VEGFC: variants seen among roughly 807,000 people sequenced by gnomAD.
The protein encoded by VEGFC is vascular endothelial growth factor C.
Under a neutral mutation model 46.1 loss-of-function variants are expected in VEGFC, and 12 were observed. The ratio of observed to expected loss-of-function variants is 0.26; its 90% confidence interval spans 0.17 to 0.42. The LOEUF (loss-of-function observed/expected upper bound fraction) is 0.42, where lower values mean the gene tolerates loss of function less well. Ranked by LOEUF, VEGFC falls within the 10% of genes least tolerant of loss-of-function variation. The probability of loss-of-function intolerance (pLI) is 1.00; values close to 1 mark genes in which losing one functional copy is unlikely to be tolerated. For synonymous variants in VEGFC, 232 were observed against 195.5 expected (o/e 1.19, Z -1.56); for missense variants, 488 against 529.4 (o/e 0.92, Z 0.77).
intron 1 of VEGFC, among the ~76,000 whole-genome samples, chr4:176,772,795 C>T (rs751880216): frequency 6.6e-5 from 10 of 152,130 alleles, no homozygotes; most frequent in South Asian, 2.1e-4. Flanking sequence ...ATGCCTTCCA[C>T]CATGAGAAGA....
intron 1 of VEGFC, among the ~76,000 whole-genome samples, chr4:176,783,075 T>A (rs187830726): frequency 6.6e-6 from 1 of 152,080 alleles, no homozygotes; most frequent in Non-Finnish European, 1.5e-5. Context: ...GACTGGCAAA[T>A]TGACAAAGAG....
intron 1 of VEGFC, among the ~76,000 whole-genome samples, chr4:176,780,242 A>G (rs1452399253): frequency 2.6e-5 from 4 of 151,980 alleles, no homozygotes; most frequent in African/African-American, 7.2e-5. Context: ...TTAGCCTGGC[A>G]TGGTGGTGCG....
Position 176,683,798 on chromosome 4 carries a change from T to A in VEGFC, c.*128A>T, listed in dbSNP as rs1733984983. The stretch of plus-strand genomic sequence containing the variant: ...CATTTCTGTAAAGTTATCCACATGG[T>A]TCAGGAAAGACAGACTTTTGTCTTT... On this transcript the variant is annotated 3_prime_UTR_variant, in exon 7 of 7. Transcript: ENST00000618562. The A allele has an allele frequency of 4.1e-6, 3 of 739,150 alleles. No individual in the cohort carries two copies. The South Asian group carries it at 5.4e-5, about 13-fold the overall frequency. 45.8% of individuals were successfully genotyped at this position (739,150 alleles called of 1,614,324 possible). A position where few individuals can be genotyped will look rare whatever the true frequency, so the allele number is the denominator to read the frequency against.
At chr4:176,722,419 C>T (rs1734802691) in intron 3 of VEGFC, among the ~76,000 whole-genome samples, 1 of 151,978 alleles carries the variant, frequency 6.6e-6, no homozygotes, top group African/African-American at 2.4e-5. Context: ...AATTATTTCA[C>T]CTATATGCAG....
chr4:176,687,708 T>A lies in VEGFC; in HGVS notation c.811+113A>T, dbSNP rs1489856967. Reference sequence around the variant, plus strand: ...GTGAAGTAGAAAATGTACTATTTTTTAGTCACTTATTTAGAAGAATGATGA... The same window carrying A: ...GTGAAGTAGAAAATGTACTATTTTTAAGTCACTTATTTAGAAGAATGATGA... On this transcript the variant is annotated intron_variant, in intron 5 of 6. Coordinates refer to ENST00000618562, the MANE Select transcript of VEGFC (RefSeq NM_005429.5). 3 of 1,014,948 alleles carry A rather than the reference T, an allele frequency of 3.0e-6. No individual in the cohort carries two copies. In the African/African-American group the frequency reaches 4.8e-5, roughly 16 times the overall value. The allele number at this position is 1,014,948 out of a possible 1,614,324, so 62.9% of individuals were successfully genotyped here. A position where few individuals can be genotyped will look rare whatever the true frequency, so the allele number is the denominator to read the frequency against.
intron 1 of VEGFC, among the ~76,000 whole-genome samples, chr4:176,785,956 A>T (rs1735995464): frequency 1.3e-5 from 2 of 149,756 alleles, no homozygotes; most frequent in African/African-American, 4.8e-5. Context: ...TCCAGATAGC[A>T]CAATGATGGG....
intron 1 of VEGFC, among the ~76,000 whole-genome samples, chr4:176,757,549 T>G (rs2110904563): frequency 6.6e-6 from 1 of 151,970 alleles, no homozygotes; most frequent in African/African-American, 2.4e-5. Flanking sequence ...AATCAAATTC[T>G]AAAATAATTC....
chr4:176,684,436 A>G (rs770255334), intron 6 of VEGFC, among the ~76,000 whole-genome samples: 4 of 152,132 alleles, frequency 2.6e-5, no homozygotes, highest in Non-Finnish European at 1.5e-5. Context: ...TGGGACCCAG[A>G]CTTCCAGGCA....
intron 4 of VEGFC, among the ~76,000 whole-genome samples, chr4:176,690,437 T>C (rs944219659): frequency 6.6e-6 from 1 of 152,128 alleles, no homozygotes; most frequent in Non-Finnish European, 1.5e-5. Flanking sequence ...CGTTACACAT[T>C]ATTGTAAACC....
At chr4:176,702,237 TA>T (rs1734447095) in intron 4 of VEGFC, among the ~76,000 whole-genome samples, 2 of 152,176 alleles carry the variant, frequency 1.3e-5, no homozygotes, top group Admixed American at 1.3e-4. Context: ...AAATAAGTTT[TA>T]CTGAGTAAAC....
intron 4 of VEGFC, 49 bp downstream of exon 4, chr4:176,711,450 T>C: frequency 6.5e-7 from 1 of 1,539,332 alleles, no homozygotes; most frequent in Non-Finnish European, 8.8e-7. Context: ...TTGAAAATAA[T>C]TTAATATTAG....
Position 176,683,793 on chromosome 4 carries a change from C to G in VEGFC, c.*133G>C. ...CAGTCCATTTCTGTAAAGTTATCCA[C>G]ATGGTTCAGGAAAGACAGACTTTTG... On this transcript the variant is annotated 3_prime_UTR_variant, in exon 7 of 7. Coordinates refer to ENST00000618562, the MANE Select transcript of VEGFC (RefSeq NM_005429.5). 1.5e-6 allele frequency: 1 copy of G among 672,236 alleles called. No individual in the cohort carries two copies. The highest frequency in any genetic ancestry group is 2.5e-6 in the Non-Finnish European group (1 of 394,848). The allele number at this position is 672,236 out of a possible 1,614,324, so 41.6% of individuals were successfully genotyped here. A position where few individuals can be genotyped will look rare whatever the true frequency, so the allele number is the denominator to read the frequency against.
intron 4 of VEGFC, among the ~76,000 whole-genome samples, chr4:176,699,076 G>T (rs962119915): frequency 6.6e-6 from 1 of 152,100 alleles, no homozygotes; most frequent in African/African-American, 2.4e-5. Context: ...CTATAGATAC[G>T]AACTGTGTTA....
At chr4:176,739,602 G>A (rs570624483) in intron 1 of VEGFC, among the ~76,000 whole-genome samples, 26 of 151,898 alleles carry the variant, frequency 1.7e-4, no homozygotes, top group Non-Finnish European at 2.7e-4. Context: ...TGGGGGGAGC[G>A]TATGAGGGTA....
chr4:176,792,808 A>AGGGCGGCGGGGCGGCGGGGCGGCG lies in VEGFC; in HGVS notation c.-498_-497insCGCCGCCCCGCCGCCCCGCCGCCC, dbSNP rs527551954. ...TGGCGGCGGTGCCGGGGGCGGGAGG[A>AGGGCGGCGGGGCGGCGGGGCGGCG]GGGCGGCGGGGCGGCTGGCGGCGGC... On this transcript the variant is annotated 5_prime_UTR_variant, in exon 1 of 7. Coordinates refer to ENST00000618562, the MANE Select transcript of VEGFC (RefSeq NM_005429.5). This position sits in a 1 kb window ranked among gnomAD's most constrained non-coding sequence, Gnocchi z 6.3. 1.4e-5 allele frequency: 2 copies of AGGGCGGCGGGGCGGCGGGGCGGCG among 143,264 alleles called. No individual in the cohort carries two copies. The highest frequency in any genetic ancestry group is 5.1e-5 in the African/African-American group (2 of 39,498). The allele number at this position is 143,264 out of a possible 1,614,324, so 8.9% of individuals were successfully genotyped here. A position where few individuals can be genotyped will look rare whatever the true frequency, so the allele number is the denominator to read the frequency against.
intron 4 of VEGFC, among the ~76,000 whole-genome samples, chr4:176,702,330 T>A (rs1450174775): frequency 8.2e-5 from 1 of 12,158 alleles, no homozygotes; most frequent in Non-Finnish European, 1.8e-4. Flanking sequence ...ATTTATCCAT[T>A]TTTTTTCCTC....
intron 1 of VEGFC, among the ~76,000 whole-genome samples, chr4:176,732,226 T>A (rs763841704): frequency 1.3e-5 from 2 of 151,890 alleles, no homozygotes; most frequent in Non-Finnish European, 2.9e-5. Context: ...GTGAACTGAA[T>A]ATTAACGAAG....
At chr4:176,787,007 C>T (rs748043712) in intron 1 of VEGFC, among the ~76,000 whole-genome samples, 2 of 152,080 alleles carry the variant, frequency 1.3e-5, no homozygotes, top group Non-Finnish European at 2.9e-5. Context: ...CATATTAATA[C>T]TCACACCCCA....
At chr4:176,697,989 G>C (rs1734353553) in intron 4 of VEGFC, among the ~76,000 whole-genome samples, 2 of 151,802 alleles carry the variant, frequency 1.3e-5, no homozygotes, top group Admixed American at 1.3e-4. Flanking sequence ...CTGTTGTGGG[G>C]TGGAGGGAGG....
Sources: gnomAD v4.1 joint callset for allele counts (sites outside exome capture counted in the v4.1 genomes callset) on GRCh38, gnomAD v4.1.1 for gene constraint, Gnocchi (gnomAD v3.1) non-coding constraint, MANE v1.5 for transcripts, NCBI Gene and HGNC (gene_info 2026-07-23, HGNC 2026-07-21) for gene names.